Variants in COLGALT2 observed in about 807,000 individuals in gnomAD.
COLGALT2 encodes procollagen galactosyltransferase 2.
A neutral mutation model predicts 73.4 loss-of-function variants in COLGALT2; 49 were observed. That is an observed-to-expected ratio of 0.67 (90% CI 0.53 to 0.85). COLGALT2 has a LOEUF of 0.85. COLGALT2 is among the 40% of genes least tolerant of loss of function. The pLI is 0.00. For missense variants in COLGALT2, 722 were observed against 790.2 expected, an observed-to-expected ratio of 0.91 and a Z score of 1.03; for synonymous variants, 295 against 307.6, an observed-to-expected ratio of 0.96 and a Z score of 0.43.
intron 1 of COLGALT2, among the ~76,000 whole-genome samples, chr1:184,016,757 TA>T (rs2102851731): frequency 6.6e-6 from 1 of 152,338 alleles, no homozygotes; most frequent in South Asian, 2.1e-4. Flanking sequence ...GAAATTATAA[TA>T]TTTTTAAAAG....
downstream of COLGALT2, among the ~76,000 whole-genome samples, chr1:183,932,495 T>C (rs2102780875): frequency 6.6e-6 from 1 of 152,004 alleles, no homozygotes; most frequent in East Asian, 1.9e-4. Flanking sequence ...AGGAGCCAAA[T>C]GGTCCAGACG....
chr1:184,010,644 T>A (rs539078711), intron 1 of COLGALT2, among the ~76,000 whole-genome samples: 196 of 152,298 alleles, frequency 1.3e-3, no homozygotes, highest in African/African-American at 4.6e-3. Flanking sequence ...AAGGACAATC[T>A]CCTAGAACCA....
At chr1:184,026,672 A>T (rs1368440086) in intron 1 of COLGALT2, among the ~76,000 whole-genome samples, 5 of 152,214 alleles carry the variant, frequency 3.3e-5, no homozygotes, top group Non-Finnish European at 7.3e-5. Flanking sequence ...GCCAGCTACT[A>T]AAAACAGGCT....
chr1:184,030,304 T>G (rs951214759), intron 1 of COLGALT2, among the ~76,000 whole-genome samples: 2 of 152,224 alleles, frequency 1.3e-5, no homozygotes, highest in African/African-American at 4.8e-5. Flanking sequence ...TTGTAATTCC[T>G]GATGAATAAT....
rs111879044 is a variant in COLGALT2, at chr1:183,938,758, C to A, written c.*3G>T. The A allele has an allele frequency of 4.7e-4, 764 of 1,613,816 alleles. 18 individuals are homozygous for A. The South Asian group carries it at 7.9e-3, about 17-fold the overall frequency. On this transcript the variant is annotated 3_prime_UTR_variant, in exon 12 of 12. Transcript: ENST00000361927. ...TGATGTGGGCCACACTCCCAGGGAGCCTTCATAGCTCATCCCTTGAAGGCA... is the reference window on the plus strand; with the variant it reads ...TGATGTGGGCCACACTCCCAGGGAGACTTCATAGCTCATCCCTTGAAGGCA...
chr1:184,011,376 T>C (rs1168014025), intron 1 of COLGALT2, among the ~76,000 whole-genome samples: 1 of 152,170 alleles, frequency 6.6e-6, no homozygotes, highest in Non-Finnish European at 1.5e-5. Context: ...GAAAGATAAA[T>C]TATCCAGAGA....
chr1:184,035,696 A>G (rs1447630080), intron 1 of COLGALT2, among the ~76,000 whole-genome samples: 1 of 152,212 alleles, frequency 6.6e-6, no homozygotes. Flanking sequence ...GATCAAAACC[A>G]TATTTTAAAA....
At chr1:183,989,308 T>G (rs6698088) in intron 1 of COLGALT2, among the ~76,000 whole-genome samples, 67,251 of 151,982 alleles carry the variant, frequency 0.44, 19,801 homozygotes, top group African/African-American at 0.83. Flanking sequence ...AAACTCTGAG[T>G]GGGGATGTCC....
intron 1 of COLGALT2, among the ~76,000 whole-genome samples, chr1:184,027,873 A>G (rs1304821373): frequency 6.6e-6 from 1 of 152,230 alleles, no homozygotes; most frequent in East Asian, 1.9e-4. Flanking sequence ...TGGCTGTTTC[A>G]AGCCTTACAT....
At chr1:184,022,525 AT>A (rs1278173877) in intron 1 of COLGALT2, among the ~76,000 whole-genome samples, 1 of 152,228 alleles carries the variant, frequency 6.6e-6, no homozygotes, top group Non-Finnish European at 1.5e-5. Context: ...ACTCCAAAAA[AT>A]CAATTCAGGA....
chr1:184,030,461 CTTA>C (rs1010394393), intron 1 of COLGALT2, among the ~76,000 whole-genome samples: 1 of 152,100 alleles, frequency 6.6e-6, no homozygotes, highest in African/African-American at 2.4e-5. Context: ...AGAAACAAGC[CTTA>C]TTATTGTCCT....
At chr1:183,933,238 C>T (rs1222875706), downstream of COLGALT2, among the ~76,000 whole-genome samples, 2 of 152,178 alleles carry the variant, frequency 1.3e-5, no homozygotes, top group East Asian at 1.9e-4. Context: ...CTGTCTCCAG[C>T]GATGGGCTTG....
At chr1:183,939,432 G>A (rs529942238) in intron 11 of COLGALT2, among the ~76,000 whole-genome samples, 42 of 152,244 alleles carry the variant, frequency 2.8e-4, no homozygotes, top group African/African-American at 8.2e-4. Flanking sequence ...TGTGGCACGT[G>A]GAGGCTTAGA....
chr1:183,944,853 G>A (rs1245242651), intron 9 of COLGALT2, among the ~76,000 whole-genome samples: 2 of 152,128 alleles, frequency 1.3e-5, no homozygotes, highest in Non-Finnish European at 2.9e-5. Context: ...AACAAAGGCA[G>A]GCATAGACTG....
intron 1 of COLGALT2, among the ~76,000 whole-genome samples, chr1:184,025,551 A>G (rs964605506): frequency 6.6e-6 from 1 of 152,208 alleles, no homozygotes. Context: ...TCAAGAGGCA[A>G]CCATCTGTGT....
intron 5 of COLGALT2, among the ~76,000 whole-genome samples, chr1:183,967,312 A>G (rs372220266): frequency 7.9e-5 from 12 of 152,338 alleles, no homozygotes; most frequent in African/African-American, 2.9e-4. Context: ...ACATGTAAAA[A>G]TCTTAACTCC....
At chr1:184,004,862 CA>C (rs1460211886) in intron 1 of COLGALT2, among the ~76,000 whole-genome samples, 2 of 152,142 alleles carry the variant, frequency 1.3e-5, no homozygotes, top group African/African-American at 4.8e-5. Flanking sequence ...GTGGGAGTCA[CA>C]GAGAGATCCT....
chr1:183,976,688 G>A (rs186091464), intron 2 of COLGALT2, among the ~76,000 whole-genome samples: 10 of 152,210 alleles, frequency 6.6e-5, no homozygotes, highest in African/African-American at 2.2e-4. Flanking sequence ...GGAATATAAA[G>A]TGTTTATATA....
At chr1:183,975,674 A>C (rs1328969031) in intron 2 of COLGALT2, among the ~76,000 whole-genome samples, 2 of 152,232 alleles carry the variant, frequency 1.3e-5, no homozygotes, top group Non-Finnish European at 2.9e-5. Flanking sequence ...TCAAAGGTTT[A>C]ATCTACTTGT....
Sources: gnomAD v4.1 joint callset for allele counts (sites outside exome capture counted in the v4.1 genomes callset) on GRCh38, gnomAD v4.1.1 for gene constraint, MANE v1.5 for transcripts, NCBI Gene and HGNC (gene_info 2026-07-23, HGNC 2026-07-21) for gene names.